EPB41L5: variants seen among roughly 807,000 people sequenced by gnomAD.
EPB41L5 encodes band 4.1-like protein 5.
EPB41L5 carries 55 observed loss-of-function variants against 106.6 expected under a neutral mutation model. That is an observed-to-expected ratio of 0.52 (90% CI 0.42 to 0.65). The LOEUF (loss-of-function observed/expected upper bound fraction) is 0.65. EPB41L5 is among the 30% of genes least tolerant of loss of function. The pLI is 0.00. For synonymous variants in EPB41L5, 297 were observed against 306.7 expected, an observed-to-expected ratio of 0.97 and a Z score of 0.33; for missense variants, 871 against 882.1, an observed-to-expected ratio of 0.99 and a Z score of 0.16.
At chr2:120,085,020 C>T (rs921410401) in intron 10 of EPB41L5, among the ~76,000 whole-genome samples, 25 of 152,030 alleles carry the variant, frequency 1.6e-4, no homozygotes, top group Non-Finnish European at 1.3e-4. Context: ...TCTAGTTAGC[C>T]GTTTGTCTAA....
At chr2:120,071,230 A>G (rs751453413) in intron 3 of EPB41L5, among the ~76,000 whole-genome samples, 6 of 152,200 alleles carry the variant, frequency 3.9e-5, no homozygotes, top group African/African-American at 9.7e-5. Flanking sequence ...CCCATTCACA[A>G]TTGCTACAAA....
chr2:120,116,660 A>G (rs1684959774), intron 16 of EPB41L5, among the ~76,000 whole-genome samples: 1 of 152,102 alleles, frequency 6.6e-6, no homozygotes, highest in Non-Finnish European at 1.5e-5. Flanking sequence ...CTAGGACTAT[A>G]GGCACATGCT....
chr2:120,103,175 T>G (rs1684248674), intron 16 of EPB41L5, among the ~76,000 whole-genome samples: 1 of 152,202 alleles, frequency 6.6e-6, no homozygotes, highest in South Asian at 2.1e-4. Context: ...TTTGCACATA[T>G]TTTATATTTG....
intron 14 of EPB41L5, among the ~76,000 whole-genome samples, chr2:120,097,488 C>T (rs1010957636): frequency 6.6e-6 from 1 of 152,164 alleles, no homozygotes; most frequent in Admixed American, 6.5e-5. Context: ...TTTTAATTGG[C>T]TAATGTCAGT....
Position 120,042,080 on chromosome 2 carries a change from T to G in EPB41L5, c.255T>G (p.Gly85=). 6.2e-7 allele frequency: 1 copy of G among 1,613,646 alleles called. No homozygotes were observed. The highest frequency in any genetic ancestry group is 8.5e-7 in the Non-Finnish European group (1 of 1,179,644). ...HLDLIESDYF[G]LRFMDSAQVA... is the part of the protein sequence containing the mutation. ...ACCTGATTGAAAGCGACTATTTTGG[T>G]CTGAGATTTATGGATTCAGCACAAG... Residue 85 remains glycine (G), a synonymous_variant, in exon 3 of 25, where the codon GGT becomes GGG. Transcript: ENST00000263713.
intron 20 of EPB41L5, among the ~76,000 whole-genome samples, chr2:120,152,303 T>G (rs1686716371): frequency 6.6e-6 from 1 of 152,248 alleles, no homozygotes; most frequent in African/African-American, 2.4e-5. Context: ...TTCTTTCTGT[T>G]AATATGGTGT....
At chr2:120,113,272 CTAGA>C (rs1051894468) in intron 16 of EPB41L5, among the ~76,000 whole-genome samples, 30 of 152,278 alleles carry the variant, frequency 2.0e-4, no homozygotes, top group African/African-American at 6.7e-4. Context: ...AAGAACCTAA[CTAGA>C]TAAACAGGCT....
At chr2:120,121,865 G>T (rs1685229814) in intron 16 of EPB41L5, among the ~76,000 whole-genome samples, 1 of 152,160 alleles carries the variant, frequency 6.6e-6, no homozygotes, top group Non-Finnish European at 1.5e-5. Context: ...TTTAATGATT[G>T]CCATTCTAAC....
rs545942528 is a variant in EPB41L5 at position 120,168,797 on chromosome 2, G to A, written c.2135+790G>A. On this transcript the variant is annotated intron_variant, in intron 24 of 24. Transcript: ENST00000263713. ...CTCAGCAAACAAACACTTATTGAAT[G>A]TCTGTGATGTACCAGGCATTGACTG... is the stretch of plus-strand genomic sequence containing the variant. 3.9e-5 allele frequency among the ~76,000 whole-genome samples: 6 copies of A among 152,292 alleles called. No individual in the cohort carries two copies. In the South Asian group the frequency reaches 1.2e-3, roughly 32 times the overall value.
Position 120,178,755 on chromosome 2 carries a change from A to G in EPB41L5, c.*3848A>G, listed in dbSNP as rs1297139742. On this transcript the variant is annotated 3_prime_UTR_variant, in exon 25 of 25. Coordinates refer to ENST00000263713, the MANE Select transcript of EPB41L5 (RefSeq NM_020909.4). ...TATGATTCCTTCCCAGTTCTAAGAG[A>G]TACGATCTGTAAGTCCCTATGTCAC... 6.6e-6 allele frequency: 1 copy of G among 152,170 alleles called. No individual in the cohort carries two copies. Among genetic ancestry groups the G allele is most frequent in the Non-Finnish European group, 1.5e-5 (1 of 68,044 alleles). 9.4% of individuals were successfully genotyped at this position (152,170 alleles called of 1,614,324 possible). A position where few individuals can be genotyped will look rare whatever the true frequency, so the allele number is the denominator to read the frequency against.
At chr2:120,142,936 C>A in intron 18 of EPB41L5, 67 bp from the exon 19 acceptor site, 6 of 1,396,090 alleles carry the variant, frequency 4.3e-6, no homozygotes, top group South Asian at 3.7e-5. Context: ...TTTCATCAGT[C>A]TATTTCCTAT....
chr2:120,159,442 A>C (rs1458122304), intron 20 of EPB41L5, among the ~76,000 whole-genome samples: 3 of 136,678 alleles, frequency 2.2e-5, no homozygotes, highest in African/African-American at 7.9e-5. Context: ...AAAAAAAAAA[A>C]AGTGACAATC....
chr2:120,099,118 TG>T (rs1683964078), intron 14 of EPB41L5, among the ~76,000 whole-genome samples: 1 of 152,240 alleles, frequency 6.6e-6, no homozygotes, highest in Non-Finnish European at 1.5e-5. Flanking sequence ...TGAAACACAG[TG>T]CTGTCGTTAA....
At chr2:120,170,943 A>T (rs1017754372) in intron 24 of EPB41L5, among the ~76,000 whole-genome samples, 2 of 152,204 alleles carry the variant, frequency 1.3e-5, no homozygotes, top group Admixed American at 1.3e-4. Flanking sequence ...GGTGTATTCA[A>T]TTTGCAAAAA....
At chr2:120,045,092 CATGCT>C (rs910506467) in intron 3 of EPB41L5, among the ~76,000 whole-genome samples, 16 of 152,140 alleles carry the variant, frequency 1.1e-4, no homozygotes, top group Non-Finnish European at 2.9e-5. Context: ...CAAGGAATTA[CATGCT>C]ATAATTTCAC....
At chr2:120,044,001 C>T (rs1000990108) in intron 3 of EPB41L5, among the ~76,000 whole-genome samples, 6 of 151,724 alleles carry the variant, frequency 4.0e-5, no homozygotes, top group Non-Finnish European at 7.4e-5. Flanking sequence ...AAAAAATTAG[C>T]TAGGCATGGT....
At chr2:120,018,624 T>C (rs1015306759) in intron 1 of EPB41L5, among the ~76,000 whole-genome samples, 1 of 152,152 alleles carries the variant, frequency 6.6e-6, no homozygotes, top group African/African-American at 2.4e-5. Flanking sequence ...TCAAATTTAC[T>C]TGACCAGGAG....
intron 3 of EPB41L5, among the ~76,000 whole-genome samples, chr2:120,068,615 T>A (rs1215739799): frequency 1.3e-5 from 2 of 152,178 alleles, no homozygotes; most frequent in East Asian, 3.9e-4. Context: ...GCAGAGCCCA[T>A]GTCATAATGA....
intron 2 of EPB41L5, among the ~76,000 whole-genome samples, chr2:120,034,288 A>G (rs994575765): frequency 5.9e-5 from 9 of 152,226 alleles, no homozygotes; most frequent in East Asian, 1.9e-4. Context: ...TTGTATTTCA[A>G]TAGTCTAGCA....
Sources: gnomAD v4.1 joint callset for allele counts (sites outside exome capture counted in the v4.1 genomes callset) on GRCh38, gnomAD v4.1.1 for gene constraint, MANE v1.5 for transcripts, NCBI Gene and HGNC (gene_info 2026-07-23, HGNC 2026-07-21) for gene names.